The following PSD3 variants were observed in gnomAD, a reference collection of about 807,000 sequenced individuals.
PSD3 encodes PH and SEC7 domain-containing protein 3.
A neutral mutation model predicts 105.5 loss-of-function variants in PSD3; 49 were observed. That is an observed-to-expected ratio of 0.46 (90% confidence interval 0.37 to 0.59). The LOEUF (loss-of-function observed/expected upper bound fraction) is 0.59. Among genes scored for constraint, PSD3 ranks in the 20% least tolerant of loss-of-function variants. The probability of loss-of-function intolerance (pLI) is 0.00; values close to 1 mark genes in which losing one functional copy is unlikely to be tolerated. For missense variants in PSD3, 1,561 were observed against 1,263.8 expected (o/e 1.24, Z -3.57); for synonymous variants, 557 against 457.8 (o/e 1.22, Z -2.77).
chr8:18,978,700 G>A (rs1435975665), intron 1 of PSD3, among the ~76,000 whole-genome samples: 2 of 152,158 alleles, frequency 1.3e-5, no homozygotes, highest in African/African-American at 4.8e-5. Context: ...GCAGCTCACT[G>A]ATGCAGCAGA....
intron 15 of PSD3, among the ~76,000 whole-genome samples, chr8:18,541,613 C>T (rs1041052733): frequency 5.3e-5 from 8 of 152,176 alleles, no homozygotes; most frequent in Non-Finnish European, 8.8e-5. Context: ...CAAGATGCCA[C>T]ACGTGTCAGA....
In PSD3 at chr8:18,533,400, G is replaced by A. The variant is rs75462348; in HGVS notation, c.*2343C>T. 4,288 of 152,282 alleles carry A rather than the reference G, an allele frequency of 0.028. 102 individuals are homozygous for A. The highest frequency in any genetic ancestry group is 0.058 in the Middle Eastern group (17 of 294). 9.4% of individuals were successfully genotyped at this position (152,282 alleles called of 1,614,324 possible). On this transcript the variant is annotated 3_prime_UTR_variant, in exon 16 of 16. Coordinates refer to ENST00000327040, the MANE Select transcript of PSD3 (RefSeq NM_015310.4). ...TACTGAAGCTTCAAAAGAGCCCTTC[G>A]TATCCAATGATCTATTAGCCTATCC...
intron 12 of PSD3, among the ~76,000 whole-genome samples, chr8:18,583,230 G>A (rs1409738585): frequency 6.6e-6 from 1 of 152,118 alleles, no homozygotes; most frequent in African/African-American, 2.4e-5. Flanking sequence ...CTTAAGTTGA[G>A]GAATTCAAGA....
intron 9 of PSD3, among the ~76,000 whole-genome samples, chr8:18,753,895 T>C (rs773593403): frequency 8.1e-4 from 124 of 152,154 alleles, no homozygotes; most frequent in Non-Finnish European, 1.1e-3. Context: ...CGACACAGAT[T>C]TGACTGCCTC....
chr8:18,683,667 C>T (rs1177583067), intron 9 of PSD3: 11 of 667,960 alleles, frequency 1.6e-5, no homozygotes, highest in Non-Finnish European at 2.5e-5. Flanking sequence ...TTATACTCCT[C>T]GTTACTTTCT....
chr8:18,835,272 T>C (rs562343630), intron 4 of PSD3, among the ~76,000 whole-genome samples: 1 of 152,218 alleles, frequency 6.6e-6, no homozygotes, highest in Non-Finnish European at 1.5e-5. Context: ...GTGATAATTA[T>C]AATAAGACCA....
intron 1 of PSD3, among the ~76,000 whole-genome samples, chr8:18,984,828 C>T (rs1825421378): frequency 6.6e-6 from 1 of 152,166 alleles, no homozygotes; most frequent in South Asian, 2.1e-4. Flanking sequence ...AAGGCAAAGA[C>T]CTTGGAGGCT....
At chr8:19,004,750 C>T (rs1038700155) in intron 1 of PSD3, among the ~76,000 whole-genome samples, 4 of 151,962 alleles carry the variant, frequency 2.6e-5, no homozygotes, top group African/African-American at 9.7e-5. Flanking sequence ...GTGAGGAAGC[C>T]GGTGGAAGGT....
rs79933219 is a variant in PSD3, at chr8:18,530,712, G to A, written c.*5031C>T. ...TTTTTTTTTTTTTTCTTTTCTTTCT[G>A]TATTTCCCAAATTACAGGGAGCTAT... On this transcript the variant is annotated 3_prime_UTR_variant, in exon 16 of 16. Coordinates refer to ENST00000327040, the MANE Select transcript of PSD3 (RefSeq NM_015310.4). 5 of 123,090 alleles carry A rather than the reference G, an allele frequency of 4.1e-5. No individual in the cohort carries two copies. The highest frequency in any genetic ancestry group is 6.3e-5 in the African/African-American group (2 of 31,944). 7.6% of individuals were successfully genotyped at this position (123,090 alleles called of 1,614,324 possible).
rs147562768 is a variant in PSD3 at position 18,531,526 on chromosome 8, T to A, written c.*4217A>T. ...GGGTTATTCTGTGATGATTTGATCA[T>A]GTAAGATGCTATAAGACTGGTGGAA... is the stretch of plus-strand genomic sequence containing the variant. On this transcript the variant is annotated 3_prime_UTR_variant, in exon 16 of 16. Coordinates refer to ENST00000327040, the MANE Select transcript of PSD3 (RefSeq NM_015310.4). The A allele has an allele frequency of 1.2e-4, 18 of 152,358 alleles. No homozygotes were observed. Among genetic ancestry groups the A allele is most frequent in the South Asian group, 2.1e-4 (1 of 4,822 alleles). The allele number at this position is 152,358 out of a possible 1,614,324, so 9.4% of individuals were successfully genotyped here. A position where few individuals can be genotyped will look rare whatever the true frequency, so the allele number is the denominator to read the frequency against.
At chr8:18,842,428 G>A (rs1050503259) in intron 4 of PSD3, among the ~76,000 whole-genome samples, 1 of 152,206 alleles carries the variant, frequency 6.6e-6, no homozygotes, top group Non-Finnish European at 1.5e-5. Flanking sequence ...AAGATAAATA[G>A]CTCTCACAAA....
rs566705913 is a variant in PSD3, at chr8:18,653,725, C to T, written c.2216+1917G>A. Among the ~76,000 whole-genome samples, 8 of 151,854 alleles carry T rather than the reference C, an allele frequency of 5.3e-5. No homozygotes were observed. In the South Asian group the frequency reaches 6.3e-4, roughly 12 times the overall value. On this transcript the variant is annotated intron_variant, in intron 10 of 15. Coordinates refer to ENST00000327040, the MANE Select transcript of PSD3 (RefSeq NM_015310.4). ...GATATAGCTTTCTTGCATCAAACTCCGACTACCTATAAATGAATAAATAAA... is the reference window on the plus strand; with the variant it reads ...GATATAGCTTTCTTGCATCAAACTCTGACTACCTATAAATGAATAAATAAA...
At chr8:18,618,465 T>C (rs1196499705) in intron 11 of PSD3, among the ~76,000 whole-genome samples, 1 of 151,468 alleles carries the variant, frequency 6.6e-6, no homozygotes, top group Non-Finnish European at 1.5e-5. Flanking sequence ...TTGTCAACAA[T>C]ATCATTTTTA....
At chr8:18,743,990 CA>C (rs1804788955) in intron 9 of PSD3, among the ~76,000 whole-genome samples, 1 of 151,462 alleles carries the variant, frequency 6.6e-6, no homozygotes, top group Non-Finnish European at 1.5e-5. Context: ...CCACCACCAC[CA>C]CCACCACCCA....
chr8:18,580,655 AGAT>A (rs1802754897), intron 12 of PSD3, among the ~76,000 whole-genome samples: 1 of 152,160 alleles, frequency 6.6e-6, no homozygotes, highest in South Asian at 2.1e-4. Context: ...CAGAGAATAA[AGAT>A]GATTCTGCAC....
At chr8:18,745,762 T>G (rs1409749076) in intron 9 of PSD3, among the ~76,000 whole-genome samples, 1 of 152,222 alleles carries the variant, frequency 6.6e-6, no homozygotes, top group African/African-American at 2.4e-5. Context: ...ATACCCATCA[T>G]GCAAACTCAC....
chr8:18,904,930 T>G (rs1287857448), intron 2 of PSD3, among the ~76,000 whole-genome samples: 1 of 152,228 alleles, frequency 6.6e-6, no homozygotes, highest in Non-Finnish European at 1.5e-5. Flanking sequence ...ATTCAAGAAC[T>G]TTTGCAATCT....
At position 19,012,840 on chromosome 8, in the gene PSD3, C is replaced by T. The variant is rs1309815151; in HGVS notation, c.21+723G>A. 2.0e-5 allele frequency among the ~76,000 whole-genome samples: 3 copies of T among 152,192 alleles called. No individual in the cohort carries two copies. The South Asian group carries it at 6.2e-4, about 31-fold the overall frequency. On this transcript the variant is annotated intron_variant, in intron 1 of 15. Transcript: ENST00000327040. ...TCTGGAGCGGAAATCCTGGATCCCG[C>T]TATCGGGAGAACCAGTGTCTAGAAA...
intron 1 of PSD3, among the ~76,000 whole-genome samples, chr8:19,080,589 T>A (rs528027991): frequency 6.6e-6 from 1 of 152,302 alleles, no homozygotes; most frequent in African/African-American, 2.4e-5. Context: ...TCCCAGTGCC[T>A]GTCTCCCTCT....
Sources: gnomAD v4.1 joint callset for allele counts (sites outside exome capture counted in the v4.1 genomes callset) on GRCh38, gnomAD v4.1.1 for gene constraint, MANE v1.5 for transcripts, NCBI Gene and HGNC (gene_info 2026-07-23, HGNC 2026-07-21) for gene names.